Variants in BRCA1 observed in about 807,000 individuals in gnomAD.
BRCA1 encodes BRCA1 DNA repair associated.
In BRCA1, 140 loss-of-function variants were observed where a neutral mutation model predicts 173.7. The observed-to-expected ratio is 0.81, with a 90% CI of 0.70 to 0.93. The LOEUF (loss-of-function observed/expected upper bound fraction) is 0.93, where lower values mean the gene tolerates loss of function less well. Among genes scored for constraint, BRCA1 ranks in the 40% least tolerant of loss-of-function variants. The pLI is 0.00. For missense variants in BRCA1, 1,983 were observed against 2,172.5 expected, an observed-to-expected ratio of 0.91 and a Z score of 1.73; for synonymous variants, 662 against 756.0, an observed-to-expected ratio of 0.88 and a Z score of 2.04.
chr17:43,093,449 G>C lies in BRCA1; in HGVS notation c.2082C>G (p.Ser694Arg). ...TTAACTTCAGCTCTGGGAAAGTATC[G>C]CTGTCATGTCTTTTACTTGTCTGTT... is the stretch of plus-strand genomic sequence containing the variant. ...PNEQTSKRHDSDTFPELKLTN... is the reference protein window; with the variant it reads ...PNEQTSKRHDRDTFPELKLTN... Residue 694 changes from serine (S) to arginine (R), a missense_variant, in exon 10 of 23, where the codon AGC becomes AGG. Physicochemically the swap from Ser to Arg is moderately radical, Grantham distance 110. Coordinates refer to ENST00000357654, the MANE Select transcript of BRCA1 (RefSeq NM_007294.4). 1 of 1,613,780 alleles carries C rather than the reference G, an allele frequency of 6.2e-7. No homozygotes were observed. The highest frequency in any genetic ancestry group is 2.2e-5 in the East Asian group (1 of 44,866).
chr17:43,164,634 G>C (rs1445615498), intron 1 of BRCA1: 1 of 152,182 alleles, frequency 6.6e-6, no homozygotes, highest in African/African-American at 2.4e-5. Context: ...CCATGACTCT[G>C]GAGGGGGTGG....
In BRCA1 at chr17:43,094,647, T is replaced by C. The variant is rs772684048; in HGVS notation, c.884A>G (p.Asp295Gly). The change falls in exon 10 of 23, where the codon GAC (aspartate) becomes GGC (glycine). Residue 295 changes from aspartate (D) to glycine (G), a missense_variant. Transcript: ENST00000357654. ...HENSSLLLTK[D>G]RMNVEKAEFC... ...TTCAGCCTTTTCTACATTCATTCTGTCTTTAGTGAGTAATAAACTGCTGTT... is the reference window on the plus strand; with the variant it reads ...TTCAGCCTTTTCTACATTCATTCTGCCTTTAGTGAGTAATAAACTGCTGTT... 2.6e-5 allele frequency: 42 copies of C among 1,614,176 alleles called. 1 individual carries two copies. In the South Asian group the frequency reaches 4.6e-4, roughly 18 times the overall value.
chr17:43,096,995 G>A (rs763535861), intron 8 of BRCA1, among the ~76,000 whole-genome samples: 3 of 152,154 alleles, frequency 2.0e-5, no homozygotes, highest in Non-Finnish European at 4.4e-5. Context: ...GAGGGAGGAA[G>A]GTGGGAAGAG....
chr17:43,055,305 G>A (rs1021337224), intron 19 of BRCA1, among the ~76,000 whole-genome samples: 6 of 152,070 alleles, frequency 3.9e-5, no homozygotes, highest in South Asian at 2.1e-4. Flanking sequence ...TTTTCCCTCC[G>A]TGAAGCCTTC....
Position 43,094,466 on chromosome 17 carries a change from C to T in BRCA1, c.1065G>A (p.Lys355=), listed in dbSNP as rs41286292. The change falls in exon 10 of 23, where the codon AAG becomes AAA. Residue 355 remains lysine, a synonymous_variant. Transcript: ENST00000357654. The part of the protein sequence containing the change: ...DPLCERKEWN[K]QKLPCSENPR... ...GATTCTCTGAGCATGGCAGTTTCTG[C>T]TTATTCCATTCTTTTCTCTCACACA... The T allele has an allele frequency of 9.2e-5, 149 of 1,614,038 alleles. No individual in the cohort carries two copies. Among genetic ancestry groups the T allele is most frequent in the Middle Eastern group, 8.2e-4 (5 of 6,062 alleles).
chr17:43,063,199 T>C (rs2051842328), intron 18 of BRCA1, 134 bp downstream of exon 18: 2 of 791,848 alleles, frequency 2.5e-6, no homozygotes, highest in African/African-American at 1.7e-5. Flanking sequence ...TGCATAATTC[T>C]TGATGATCCT....
intron 1 of BRCA1, among the ~76,000 whole-genome samples, chr17:43,156,918 T>C (rs2056200970): frequency 6.6e-6 from 1 of 152,198 alleles, no homozygotes; most frequent in Admixed American, 6.5e-5. Flanking sequence ...TAGGTCCTGA[T>C]GAGAGTAAAT....
chr17:43,152,974 G>T (rs1597942456), intron 1 of BRCA1, among the ~76,000 whole-genome samples: 1 of 152,170 alleles, frequency 6.6e-6, no homozygotes, highest in East Asian at 1.9e-4. Context: ...GGCGGAGGTT[G>T]CAGTGAGCCG....
In BRCA1 at chr17:43,051,690, G is replaced by A. The variant is rs143338062; in HGVS notation, c.5278-573C>T. On this transcript the variant is annotated intron_variant, in intron 19 of 22. Coordinates refer to ENST00000357654, the MANE Select transcript of BRCA1 (RefSeq NM_007294.4). ...CTCTCTCTGTCACCTAGGCTGGAGC[G>A]TAGTGGTGCGATCTGGGCTCACTGC... is the stretch of plus-strand genomic sequence containing the variant. Among the ~76,000 whole-genome samples, 357 of 150,658 alleles carry A rather than the reference G, an allele frequency of 2.4e-3. 2 individuals carry two copies. Among genetic ancestry groups the A allele is most frequent in the African/African-American group, 8.4e-3 (342 of 40,872 alleles).
chr17:43,110,477 T>C, intron 3 of BRCA1: 1 of 371,592 alleles, frequency 2.7e-6, no homozygotes, highest in Non-Finnish European at 5.4e-6. Flanking sequence ...TCCCAGCTAC[T>C]TGGGAGACTG....
intron 1 of BRCA1, chr17:43,145,230 C>T (rs745458671): frequency 1.0e-5 from 7 of 699,066 alleles, no homozygotes; most frequent in African/African-American, 3.6e-5. Flanking sequence ...TCTGATGAAG[C>T]AGGAGATAAA....
intron 1 of BRCA1, among the ~76,000 whole-genome samples, chr17:43,159,093 AC>A (rs1336474470): frequency 1.3e-5 from 2 of 151,968 alleles, no homozygotes; most frequent in Non-Finnish European, 2.9e-5. Flanking sequence ...ACAAACACAC[AC>A]ACACAAATTA....
chr17:43,167,754 G>GC (rs1043962921), intron 1 of BRCA1: 2 of 152,508 alleles, frequency 1.3e-5, no homozygotes, highest in African/African-American at 2.4e-5. Context: ...GCCTGCCTCG[G>GC]CCCCCCAGAG....
chr17:43,100,678 A>ATGTTAT (rs1491277616), intron 6 of BRCA1, among the ~76,000 whole-genome samples: 1 of 36,280 alleles, frequency 2.8e-5, no homozygotes, highest in East Asian at 1.2e-3. Context: ...ATATATATAT[A>ATGTTAT]ATATATATAT....
chr17:43,116,009 T>C (rs2055278813), intron 2 of BRCA1, among the ~76,000 whole-genome samples: 1 of 152,172 alleles, frequency 6.6e-6, no homozygotes, highest in Non-Finnish European at 1.5e-5. Context: ...AACAGAATTA[T>C]ATTGATCCCT....
chr17:43,144,083 C>A (rs1325876829), intron 1 of BRCA1: 1 of 160,018 alleles, frequency 6.2e-6, no homozygotes, highest in Non-Finnish European at 1.4e-5. Flanking sequence ...ATTAGCTGGG[C>A]ATGCTGGCGG....
intron 3 of BRCA1, among the ~76,000 whole-genome samples, chr17:43,110,196 G>A (rs549037251): frequency 1.2e-4 from 19 of 152,038 alleles, no homozygotes; most frequent in Non-Finnish European, 2.4e-4. Flanking sequence ...ACCCGGCCTC[G>A]AATCTTTCTT....
chr17:43,153,270 G>A (rs1438174111), intron 1 of BRCA1, among the ~76,000 whole-genome samples: 1 of 152,138 alleles, frequency 6.6e-6, no homozygotes, highest in African/African-American at 2.4e-5. Context: ...TCAGTTGTAT[G>A]TAAGAAAACC....
chr17:43,145,551 C>T (rs1264764267), intron 1 of BRCA1, among the ~76,000 whole-genome samples: 3 of 152,152 alleles, frequency 2.0e-5, no homozygotes, highest in African/African-American at 7.2e-5. Context: ...TGGTCTCGAT[C>T]TCCTGACCTC....
Sources: gnomAD v4.1 joint callset for allele counts (sites outside exome capture counted in the v4.1 genomes callset) on GRCh38, gnomAD v4.1.1 for gene constraint, MANE v1.5 for transcripts, NCBI Gene and HGNC (gene_info 2026-07-23, HGNC 2026-07-21) for gene names.